Variants in QTMAN observed in about 807,000 individuals in gnomAD.
The protein encoded by QTMAN is tRNA-queuosine alpha-mannosyltransferase.
At chr2:144,186,440 T>C in the QTMAN span, among the ~76,000 whole-genome samples, 2 of 152,310 alleles carry the variant, frequency 1.3e-5, no homozygotes, top group Admixed American at 1.3e-4. Flanking sequence ...AGACTGGAAA[T>C]AAATATGCAA....
chr2:144,101,603 G>A, the QTMAN span, among the ~76,000 whole-genome samples: 26 of 152,180 alleles, frequency 1.7e-4, no homozygotes, highest in East Asian at 2.3e-3. Flanking sequence ...TGTGAATACA[G>A]CTATTCTGCC....
chr2:144,271,155 G>C, the QTMAN span, among the ~76,000 whole-genome samples: 1 of 152,150 alleles, frequency 6.6e-6, no homozygotes, highest in Non-Finnish European at 1.5e-5. Context: ...TTCATAGGAA[G>C]GGTAAGTGTA....
At chr2:144,072,811 T>C in the QTMAN span, among the ~76,000 whole-genome samples, 1 of 152,234 alleles carries the variant, frequency 6.6e-6, no homozygotes, top group Non-Finnish European at 1.5e-5. Flanking sequence ...AATACTTTCG[T>C]AGAGTTTAAA....
the QTMAN span, among the ~76,000 whole-genome samples, chr2:144,052,125 T>C: frequency 6.6e-6 from 1 of 151,910 alleles, no homozygotes; most frequent in Non-Finnish European, 1.5e-5. Context: ...AGGCCCCCAG[T>C]AAAGGGTTTG....
chr2:144,100,366 G>A, the QTMAN span, among the ~76,000 whole-genome samples: 1 of 152,140 alleles, frequency 6.6e-6, no homozygotes, highest in African/African-American at 2.4e-5. Flanking sequence ...GCTTGTGTAT[G>A]CCACTCAAAT....
chr2:143,959,391 C>A, the QTMAN span, among the ~76,000 whole-genome samples: 1 of 151,570 alleles, frequency 6.6e-6, no homozygotes, highest in Non-Finnish European at 1.5e-5. Context: ...AAAACCAAAT[C>A]AGAATTCCTG....
chr2:144,058,439 G>GCATATTGT, the QTMAN span, among the ~76,000 whole-genome samples: 23 of 152,028 alleles, frequency 1.5e-4, no homozygotes, highest in Non-Finnish European at 3.4e-4. Context: ...TCTTAACCCA[G>GCATATTGT]CATATTGTCA....
At chr2:144,052,164 G>A in the QTMAN span, among the ~76,000 whole-genome samples, 16 of 152,102 alleles carry the variant, frequency 1.1e-4, no homozygotes, top group Non-Finnish European at 2.2e-4. Flanking sequence ...TTCTGAGGAC[G>A]CTCAGGAGTC....
the QTMAN span, among the ~76,000 whole-genome samples, chr2:144,092,870 GGTGTGTGTGTGTGT>G: frequency 3.2e-4 from 45 of 140,724 alleles, no homozygotes; most frequent in Non-Finnish European, 6.0e-4. Flanking sequence ...AAACTTTTGG[GGTGTGTGTGTGTGT>G]GTGTGTGTGT....
the QTMAN span, among the ~76,000 whole-genome samples, chr2:144,089,645 A>G: frequency 6.6e-6 from 1 of 152,058 alleles, no homozygotes; most frequent in African/African-American, 2.4e-5. Context: ...AACAACATAC[A>G]TGGAACTGGA....
At chr2:144,231,892 G>GTC in the QTMAN span, among the ~76,000 whole-genome samples, 2 of 132,490 alleles carry the variant, frequency 1.5e-5, no homozygotes, top group African/African-American at 5.8e-5. Flanking sequence ...GTGTGTGTGT[G>GTC]TTATCTTTAC....
the QTMAN span, among the ~76,000 whole-genome samples, chr2:144,223,960 C>G: frequency 6.6e-6 from 1 of 152,166 alleles, no homozygotes; most frequent in African/African-American, 2.4e-5. Context: ...GTACAACGTA[C>G]AGCAACAAGG....
At chr2:144,293,291 G>C in the QTMAN span, among the ~76,000 whole-genome samples, 1 of 152,190 alleles carries the variant, frequency 6.6e-6, no homozygotes, top group South Asian at 2.1e-4. Flanking sequence ...AAAGATGAGA[G>C]AGAGTGGGAA....
At chr2:144,269,122 C>G in the QTMAN span, among the ~76,000 whole-genome samples, 123 of 152,292 alleles carry the variant, frequency 8.1e-4, no homozygotes, top group African/African-American at 2.8e-3. Context: ...CTATATAAAT[C>G]TACGTAAGAT....
chr2:144,213,798 T>G, the QTMAN span, among the ~76,000 whole-genome samples: 2 of 152,208 alleles, frequency 1.3e-5, no homozygotes, highest in Non-Finnish European at 2.9e-5. Flanking sequence ...AAACACTAAA[T>G]GGTTTACTTT....
At chr2:143,971,816 A>T in the QTMAN span, among the ~76,000 whole-genome samples, 2 of 152,164 alleles carry the variant, frequency 1.3e-5, no homozygotes, top group African/African-American at 4.8e-5. Context: ...TCAAACTGCT[A>T]TATGAAATAT....
the QTMAN span, among the ~76,000 whole-genome samples, chr2:144,075,937 A>T: frequency 2.0e-5 from 3 of 152,200 alleles, no homozygotes; most frequent in Non-Finnish European, 4.4e-5. Flanking sequence ...TCTGTCAAAT[A>T]ATGCACTGTT....
At chr2:144,147,314 G>A in the QTMAN span, among the ~76,000 whole-genome samples, 1 of 150,530 alleles carries the variant, frequency 6.6e-6, no homozygotes, top group South Asian at 2.1e-4. Flanking sequence ...AAACCTGTCT[G>A]TCTATACCCA....
At chr2:144,024,176 T>A in the QTMAN span, among the ~76,000 whole-genome samples, 1 of 152,258 alleles carries the variant, frequency 6.6e-6, no homozygotes, top group Non-Finnish European at 1.5e-5. Flanking sequence ...ATCAATGAGA[T>A]ACCAAAAATT....
Sources: allele counts gnomAD v4.1 joint callset (sites outside exome capture counted in the v4.1 genomes callset), GRCh38; gene constraint gnomAD v4.1.1; transcripts MANE v1.5; gene names NCBI Gene and HGNC (gene_info 2026-07-23, HGNC 2026-07-21).